SIPA1L1: variants seen among roughly 807,000 people sequenced by gnomAD.
SIPA1L1 encodes signal induced proliferation associated 1 like 1.
Under a neutral mutation model 162.7 loss-of-function variants are expected in SIPA1L1, and 26 were observed. The observed-to-expected ratio is 0.16, with a 90% CI of 0.12 to 0.22. The LOEUF is 0.22. Ranked by LOEUF, SIPA1L1 falls within the 10% of genes least tolerant of loss-of-function variation. The pLI is 1.00. For synonymous variants in SIPA1L1, 829 were observed against 837.4 expected, an observed-to-expected ratio of 0.99 and a Z score of 0.17; for missense variants, 1,874 against 2,241.0, an observed-to-expected ratio of 0.84 and a Z score of 3.31.
At chr14:71,542,925 C>CT (rs1392138648) in intron 4 of SIPA1L1, among the ~76,000 whole-genome samples, 3 of 151,878 alleles carry the variant, frequency 2.0e-5, no homozygotes, top group African/African-American at 7.3e-5. Context: ...TTGTATGTTT[C>CT]TCAACTTTTA....
At chr14:71,514,535 C>A (rs149001606) in intron 3 of SIPA1L1, among the ~76,000 whole-genome samples, 2 of 152,304 alleles carry the variant, frequency 1.3e-5, no homozygotes, top group South Asian at 4.1e-4. Context: ...TTCCCTGGTG[C>A]TGCCTGCAAC....
chr14:71,348,751 C>T (rs905205978), intron 2 of SIPA1L1, among the ~76,000 whole-genome samples: 4 of 152,192 alleles, frequency 2.6e-5, no homozygotes, highest in African/African-American at 9.6e-5. Flanking sequence ...GAGTAATTCA[C>T]TCCTTTTTCT....
At chr14:71,407,275 A>T (rs931867799) in intron 2 of SIPA1L1, among the ~76,000 whole-genome samples, 1 of 152,044 alleles carries the variant, frequency 6.6e-6, no homozygotes, top group Admixed American at 6.5e-5. Context: ...TTTATTTTTG[A>T]TTTTGCTTCT....
chr14:71,725,560 T>C (rs2084157839), intron 19 of SIPA1L1, among the ~76,000 whole-genome samples: 1 of 152,244 alleles, frequency 6.6e-6, no homozygotes, highest in Non-Finnish European at 1.5e-5. Flanking sequence ...TCCAGACCTT[T>C]ATGTGACCAC....
In SIPA1L1 at chr14:71,587,802, G is replaced by A; in HGVS notation, c.-71G>A. 1 of 1,377,870 alleles carries A rather than the reference G, an allele frequency of 7.3e-7. No homozygotes were observed. The highest frequency in any genetic ancestry group is 9.9e-7 in the Non-Finnish European group (1 of 1,008,918). The allele number at this position is 1,377,870 out of a possible 1,614,324, so 85.4% of individuals were successfully genotyped here. A position where few individuals can be genotyped will look rare whatever the true frequency, so the allele number is the denominator to read the frequency against. On this transcript the variant is annotated 5_prime_UTR_variant, in exon 5 of 24. Transcript: ENST00000381232. ...TTTTCTGGAAGCCATTCTCCAAAAG[G>A]GAAGTGCACATTTAAAACACAGATA...
intron 2 of SIPA1L1, among the ~76,000 whole-genome samples, chr14:71,468,550 T>C (rs2142113849): frequency 6.6e-6 from 1 of 152,214 alleles, no homozygotes; most frequent in East Asian, 1.9e-4. Context: ...TCCAAGGGGA[T>C]GGTTTTAAGC....
intron 12 of SIPA1L1, among the ~76,000 whole-genome samples, chr14:71,675,532 A>G (rs757700139): frequency 1.3e-5 from 2 of 152,216 alleles, no homozygotes; most frequent in Non-Finnish European, 1.5e-5. Flanking sequence ...GATAACTTCA[A>G]AGGGAACAGC....
intron 18 of SIPA1L1, 38 bp from the exon 19 acceptor site, chr14:71,724,632 T>G: frequency 6.3e-7 from 1 of 1,583,766 alleles, no homozygotes; most frequent in Non-Finnish European, 8.6e-7. Context: ...CCAGCCTTGT[T>G]GAGTTGGTAT....
chr14:71,694,479 A>T, intron 13 of SIPA1L1, among the ~76,000 whole-genome samples: 1 of 151,906 alleles, frequency 6.6e-6, no homozygotes, highest in East Asian at 1.9e-4. Flanking sequence ...TCAATTGCGC[A>T]TTCTTAGTAC....
intron 2 of SIPA1L1, among the ~76,000 whole-genome samples, chr14:71,484,423 G>T (rs2048592076): frequency 1.3e-5 from 2 of 151,340 alleles, no homozygotes. Flanking sequence ...ATTATAAAAT[G>T]CCCATTATGT....
chr14:71,622,746 A>T (rs1026104088), intron 6 of SIPA1L1, among the ~76,000 whole-genome samples: 2 of 152,126 alleles, frequency 1.3e-5, no homozygotes, highest in Non-Finnish European at 2.9e-5. Context: ...GCTTCCTCTC[A>T]CAGTTCATCT....
chr14:71,355,919 G>A (rs2037197254), intron 2 of SIPA1L1, among the ~76,000 whole-genome samples: 2 of 152,202 alleles, frequency 1.3e-5, no homozygotes, highest in African/African-American at 4.8e-5. Flanking sequence ...TATTCTAGTA[G>A]TGTAAGCAGC....
chr14:71,467,944 A>G lies in SIPA1L1; in HGVS notation c.-464-44799A>G, dbSNP rs183557004. Among the ~76,000 whole-genome samples the G allele has an allele frequency of 2.0e-5, 3 of 152,146 alleles. No individual in the cohort carries two copies. The East Asian group carries it at 5.8e-4, about 29-fold the overall frequency. On this transcript the variant is annotated intron_variant, in intron 2 of 23. Coordinates refer to ENST00000381232, the MANE Select transcript of SIPA1L1 (RefSeq NM_001386936.1). ...AAAGTATATATAAAATGCTTAAAAC[A>G]ATGCCTGGCACATAGTAAGGACAAA...
chr14:71,681,276 A>T (rs2045782282), intron 12 of SIPA1L1, among the ~76,000 whole-genome samples: 1 of 152,180 alleles, frequency 6.6e-6, no homozygotes, highest in African/African-American at 2.4e-5. Context: ...TCAATAGATT[A>T]GTGACCTCTG....
intron 2 of SIPA1L1, among the ~76,000 whole-genome samples, chr14:71,437,908 T>G (rs2044522288): frequency 6.6e-6 from 1 of 152,194 alleles, no homozygotes; most frequent in Non-Finnish European, 1.5e-5. Flanking sequence ...TATTGAAATT[T>G]AAAATATACA....
chr14:71,372,477 G>A (rs187433615), intron 2 of SIPA1L1, among the ~76,000 whole-genome samples: 3 of 151,894 alleles, frequency 2.0e-5, no homozygotes, highest in Non-Finnish European at 4.4e-5. Flanking sequence ...TTTACAATTC[G>A]CTATTTCTGT....
At chr14:71,646,153 T>G (rs1290143950) in intron 7 of SIPA1L1, among the ~76,000 whole-genome samples, 1 of 151,942 alleles carries the variant, frequency 6.6e-6, no homozygotes, top group Non-Finnish European at 1.5e-5. Flanking sequence ...TAAGTCAGAT[T>G]GCACTGTCTG....
At chr14:71,577,074 A>AG (rs1290032930) in intron 4 of SIPA1L1, among the ~76,000 whole-genome samples, 1 of 150,734 alleles carries the variant, frequency 6.6e-6, no homozygotes, top group Non-Finnish European at 1.5e-5. Flanking sequence ...CAGAGCAAAA[A>AG]AAAAAAAAAA....
At chr14:71,554,162 G>A (rs953526028) in intron 4 of SIPA1L1, among the ~76,000 whole-genome samples, 2 of 152,142 alleles carry the variant, frequency 1.3e-5, no homozygotes, top group African/African-American at 4.8e-5. Context: ...ATTTTTTTCT[G>A]TTTAAGATAC....
Sources: allele counts gnomAD v4.1 joint callset (sites outside exome capture counted in the v4.1 genomes callset), GRCh38; gene constraint gnomAD v4.1.1; transcripts MANE v1.5; gene names NCBI Gene and HGNC (gene_info 2026-07-23, HGNC 2026-07-21).